Variants in MYT1L observed in about 807,000 individuals in gnomAD.
MYT1L encodes myelin transcription factor 1 like.
MYT1L carries 12 observed loss-of-function variants against 126.7 expected under a neutral mutation model. The observed-to-expected ratio is 0.09, with a 90% CI of 0.06 to 0.15. MYT1L has a LOEUF of 0.15. Ranked by LOEUF, MYT1L falls within the 10% of genes least tolerant of loss-of-function variation. The pLI, the probability that MYT1L is intolerant of heterozygous loss-of-function variation, is 1.00. For synonymous variants in MYT1L, 541 were observed against 604.2 expected (o/e 0.90, Z 1.53); for missense variants, 979 against 1,585.2 (o/e 0.62, Z 6.49).
chr2:2,226,697 G>A lies in MYT1L; in HGVS notation c.-420-53709C>T, dbSNP rs145660540. Among the ~76,000 whole-genome samples the A allele has an allele frequency of 3.9e-3, 601 of 152,204 alleles. 2 individuals are homozygous for A. The highest frequency in any genetic ancestry group is 0.013 in the African/African-American group (534 of 41,532). ...CTCATCCAGGCTCATCTGCTGCTGC[G>A]TTCTCGGACCTGCCCTGAGACCCAG... On this transcript the variant is annotated intron_variant, in intron 2 of 24. Transcript: ENST00000647738.
chr2:2,008,860 T>A (rs1410968762), intron 4 of MYT1L, among the ~76,000 whole-genome samples: 2 of 152,176 alleles, frequency 1.3e-5, no homozygotes, highest in South Asian at 2.1e-4. Flanking sequence ...TTATTTTTTT[T>A]AATGTATAAG....
At chr2:1,919,110 C>T (rs1475004369) in intron 10 of MYT1L, among the ~76,000 whole-genome samples, 1 of 152,162 alleles carries the variant, frequency 6.6e-6, no homozygotes, top group Admixed American at 6.5e-5. Context: ...TTTACCACGA[C>T]ACTTAGGATT....
At chr2:2,294,229 C>T (rs1225047400) in intron 1 of MYT1L, among the ~76,000 whole-genome samples, 1 of 152,178 alleles carries the variant, frequency 6.6e-6, no homozygotes, top group African/African-American at 2.4e-5. Context: ...GGTCACTTGA[C>T]TCTGCTTAGA....
intron 3 of MYT1L, among the ~76,000 whole-genome samples, chr2:2,170,636 A>G (rs1326445198): frequency 1.3e-5 from 2 of 152,264 alleles, no homozygotes; most frequent in Non-Finnish European, 2.9e-5. Flanking sequence ...ATAATGCTAA[A>G]TCTATTTATT....
At chr2:2,080,331 G>T (rs906060594) in intron 3 of MYT1L, among the ~76,000 whole-genome samples, 22 of 152,114 alleles carry the variant, frequency 1.4e-4, no homozygotes, top group African/African-American at 4.6e-4. Flanking sequence ...CATAAGTTTA[G>T]CTTAATCAAA....
chr2:2,025,773 A>G (rs2065483584), intron 4 of MYT1L, among the ~76,000 whole-genome samples: 1 of 152,142 alleles, frequency 6.6e-6, no homozygotes, highest in Admixed American at 6.5e-5. Context: ...ACATAAATTT[A>G]CATATAACAT....
In MYT1L at chr2:2,223,647, A is replaced by G. The variant is rs949071017; in HGVS notation, c.-420-50659T>C. Among the ~76,000 whole-genome samples the G allele has an allele frequency of 2.0e-5, 3 of 152,332 alleles. No homozygotes were observed. In the East Asian group the frequency reaches 5.8e-4, roughly 29 times the overall value. On this transcript the variant is annotated intron_variant, in intron 2 of 24. Coordinates refer to ENST00000647738, the MANE Select transcript of MYT1L (RefSeq NM_001303052.2). ...CCATTTGCCCTCATATTTTTTTACAAGACTTTATAGGCCAATTTTTGTCTT... is the reference window on the plus strand; with the variant it reads ...CCATTTGCCCTCATATTTTTTTACAGGACTTTATAGGCCAATTTTTGTCTT...
chr2:2,068,627 G>A (rs780207969), intron 3 of MYT1L, among the ~76,000 whole-genome samples: 22 of 150,846 alleles, frequency 1.5e-4, no homozygotes, highest in Non-Finnish European at 2.8e-4. Flanking sequence ...ATATCTGAAA[G>A]ATAATAGTAT....
At chr2:2,215,664 A>G (rs2093655051) in intron 2 of MYT1L, among the ~76,000 whole-genome samples, 1 of 152,238 alleles carries the variant, frequency 6.6e-6, no homozygotes, top group Admixed American at 6.5e-5. Context: ...AGGTTTGAAC[A>G]CTATCAACCA....
In MYT1L at chr2:1,889,596, G is replaced by A. The variant is rs574147436; in HGVS notation, c.2284-119C>T. On this transcript the variant is annotated intron_variant, in intron 15 of 24. Transcript: ENST00000647738. This position sits in a 1 kb window ranked among gnomAD's most constrained non-coding sequence, Gnocchi z 4.1. ...TGTAGCGTTCAACACAGAATCCCTC[G>A]CTGCTGTTTCCTTGGCCTAAACTCC... The A allele has an allele frequency of 4.6e-5, 34 of 732,954 alleles. No homozygotes were observed. Among genetic ancestry groups the A allele is most frequent in the South Asian group, 2.5e-4 (10 of 40,336 alleles). 45.4% of individuals were successfully genotyped at this position (732,954 alleles called of 1,614,324 possible). A position where few individuals can be genotyped will look rare whatever the true frequency, so the allele number is the denominator to read the frequency against.
In MYT1L at chr2:2,033,059, C is replaced by T. The variant is rs112195090; in HGVS notation, c.-158+20919G>A. On this transcript the variant is annotated intron_variant, in intron 4 of 24. Transcript: ENST00000647738. Reference sequence around the variant, plus strand: ...TCTAGAAGGAGGGCCTTACACACACCCCTCGCCAGTGCCTCTCATCCTGTG... The same window carrying T: ...TCTAGAAGGAGGGCCTTACACACACTCCTCGCCAGTGCCTCTCATCCTGTG... 5.2e-5 allele frequency among the ~76,000 whole-genome samples: 7 copies of T among 135,440 alleles called. No individual in the cohort carries two copies. The East Asian group carries it at 9.4e-4, about 18-fold the overall frequency. 88.9% of individuals were successfully genotyped at this position (135,440 alleles called of 152,430 possible).
intron 2 of MYT1L, among the ~76,000 whole-genome samples, chr2:2,257,353 T>A (rs575028894): frequency 6.6e-6 from 1 of 152,276 alleles, no homozygotes; most frequent in South Asian, 2.1e-4. Context: ...TGCCCTGGGA[T>A]TGTTTTTCCA....
At chr2:2,251,683 G>A (rs1409958238) in intron 2 of MYT1L, among the ~76,000 whole-genome samples, 1 of 152,122 alleles carries the variant, frequency 6.6e-6, no homozygotes, top group East Asian at 1.9e-4. Context: ...GTTGACAGTT[G>A]ATGCAATGAC....
chr2:1,948,117 A>G (rs761609886), intron 8 of MYT1L, among the ~76,000 whole-genome samples: 2 of 152,192 alleles, frequency 1.3e-5, no homozygotes, highest in Non-Finnish European at 2.9e-5. Context: ...GAACTTTCTG[A>G]TGAAGTGTAC....
At chr2:2,163,456 T>C (rs902650792) in intron 3 of MYT1L, among the ~76,000 whole-genome samples, 7 of 152,056 alleles carry the variant, frequency 4.6e-5, no homozygotes, top group African/African-American at 7.2e-5. Flanking sequence ...CCGGGCGCAG[T>C]GGCTCACACC....
At chr2:1,839,123 AG>A (rs769113879) in intron 21 of MYT1L, 25 bp downstream of exon 21, 2 of 1,578,562 alleles carry the variant, frequency 1.3e-6, no homozygotes, top group Middle Eastern at 1.9e-4. Flanking sequence ...CATCCCAGCC[AG>A]GGTCCCGCAG....
intron 3 of MYT1L, among the ~76,000 whole-genome samples, chr2:2,056,468 G>T (rs938878245): frequency 6.6e-6 from 1 of 152,224 alleles, no homozygotes; most frequent in African/African-American, 2.4e-5. Context: ...ATATGATGCT[G>T]CTGCTTACTA....
intron 1 of MYT1L, among the ~76,000 whole-genome samples, chr2:2,319,664 T>G (rs1390781213): frequency 1.2e-4 from 19 of 152,180 alleles, no homozygotes; most frequent in Non-Finnish European, 4.4e-5. Context: ...TCAACTCTTC[T>G]TCTTAAGTCA....
chr2:1,887,182 CTT>C lies in MYT1L; in HGVS notation c.2642+304_2642+305del. Reference sequence around the variant, plus strand: ...TAAGTATGTTTAAAAAAAAAAAAAACTTTTAAAAAAGTTTCATTGTTTCCAGT... The same window carrying C: ...TAAGTATGTTTAAAAAAAAAAAAAACTTAAAAAAGTTTCATTGTTTCCAGT... On this transcript the variant is annotated intron_variant, in intron 17 of 24. Coordinates refer to ENST00000647738, the MANE Select transcript of MYT1L (RefSeq NM_001303052.2). The surrounding 1 kb of genome is among the most constrained non-coding windows in gnomAD (Gnocchi z 4.8). 2.5e-6 allele frequency: 1 copy of C among 402,710 alleles called. No individual in the cohort carries two copies. The highest frequency in any genetic ancestry group is 4.3e-6 in the Non-Finnish European group (1 of 230,404). The allele number at this position is 402,710 out of a possible 1,614,324, so 24.9% of individuals were successfully genotyped here.
Sources: allele counts gnomAD v4.1 joint callset (sites outside exome capture counted in the v4.1 genomes callset), GRCh38; gene constraint gnomAD v4.1.1; non-coding constraint Gnocchi (gnomAD v3.1); transcripts MANE v1.5; gene names NCBI Gene and HGNC (gene_info 2026-07-23, HGNC 2026-07-21).